The following KDM4C variants were observed in gnomAD, a reference collection of about 807,000 sequenced individuals.
The protein encoded by KDM4C is lysine-specific demethylase 4C.
KDM4C carries 81 observed loss-of-function variants against 129.3 expected under a neutral mutation model. That is an observed-to-expected ratio of 0.63 (90% confidence interval 0.52 to 0.75). The LOEUF (loss-of-function observed/expected upper bound fraction) is 0.75. Among genes scored for constraint, KDM4C ranks in the 30% least tolerant of loss-of-function variants. The pLI is 0.00. For synonymous variants in KDM4C, 573 were observed against 456.1 expected, an observed-to-expected ratio of 1.26 and a Z score of -3.26; for missense variants, 1,457 against 1,304.0, an observed-to-expected ratio of 1.12 and a Z score of -1.81.
At chr9:6,774,042 T>A (rs1489841633) in intron 1 of KDM4C, among the ~76,000 whole-genome samples, 1 of 152,018 alleles carries the variant, frequency 6.6e-6, no homozygotes, top group Non-Finnish European at 1.5e-5. Flanking sequence ...CGCATGCCAC[T>A]ATACCTGGTT....
At position 6,738,264 on chromosome 9, in the gene KDM4C, G is replaced by A. The variant is rs539173198; in HGVS notation, c.49+17267G>A. On this transcript the variant is annotated intron_variant, in intron 1 of 17. Transcript: ENST00000536108. ...GGCCGAGGCAGATGGATCAGCTGAG[G>A]TCAGGAGTTTGAGACTGGCCTGACC... Among the ~76,000 whole-genome samples the A allele has an allele frequency of 2.0e-5, 3 of 152,194 alleles. No individual in the cohort carries two copies. In the East Asian group the frequency reaches 5.8e-4, roughly 29 times the overall value.
intron 15 of KDM4C, among the ~76,000 whole-genome samples, 162 bp from the exon 16 acceptor site, chr9:7,046,700 G>A (rs78989195): frequency 0.13 from 20,300 of 151,800 alleles, 1,902 homozygotes; most frequent in Non-Finnish European, 0.2. Context: ...TTCCCCCTCC[G>A]CTGTCTTTCT....
At chr9:6,795,806 G>A (rs112651054) in intron 2 of KDM4C, among the ~76,000 whole-genome samples, 250 of 151,734 alleles carry the variant, frequency 1.6e-3, no homozygotes, top group African/African-American at 5.9e-3. Context: ...CAATTAGCTG[G>A]GATTACAGGT....
chr9:6,936,439 C>T (rs1194243008), intron 8 of KDM4C, among the ~76,000 whole-genome samples: 2 of 152,164 alleles, frequency 1.3e-5, no homozygotes, highest in African/African-American at 4.8e-5. Context: ...GTAACAAAAA[C>T]ATTATTGCCA....
At chr9:7,011,602 T>G in intron 12 of KDM4C, 96 bp from the exon 13 acceptor site, 1 of 1,140,544 alleles carries the variant, frequency 8.8e-7, no homozygotes, top group Non-Finnish European at 1.3e-6. Flanking sequence ...GGCCTTAATA[T>G]CACAGATTCT....
intron 15 of KDM4C, among the ~76,000 whole-genome samples, chr9:7,040,116 T>C (rs1029943968): frequency 2.6e-5 from 4 of 152,114 alleles, no homozygotes; most frequent in African/African-American, 9.7e-5. Flanking sequence ...TGCCTTCAAA[T>C]AATATCCTAC....
At chr9:6,737,964 C>T (rs926243938) in intron 1 of KDM4C, among the ~76,000 whole-genome samples, 1 of 150,666 alleles carries the variant, frequency 6.6e-6, no homozygotes, top group Non-Finnish European at 1.5e-5. Flanking sequence ...AAAACCCCAT[C>T]TCTACTAAAA....
chr9:6,750,453 A>G (rs10120785), intron 1 of KDM4C, among the ~76,000 whole-genome samples: 41,764 of 150,462 alleles, frequency 0.28, 6,648 homozygotes, highest in African/African-American at 0.42. Flanking sequence ...AAAAAAAAAA[A>G]GCTCTTCACG....
intron 8 of KDM4C, among the ~76,000 whole-genome samples, chr9:6,930,234 G>T (rs1284738789): frequency 6.6e-6 from 1 of 152,110 alleles, no homozygotes; most frequent in Non-Finnish European, 1.5e-5. Context: ...CCACAGGTAG[G>T]TTTTTTGGAT....
intron 17 of KDM4C, among the ~76,000 whole-genome samples, chr9:7,070,053 G>A (rs4523317): frequency 0.77 from 117,399 of 152,118 alleles, 45,514 homozygotes; most frequent in African/African-American, 0.81. Context: ...AGGCAGAACA[G>A]GGGGAAAAGG....
chr9:7,026,154 G>A (rs1029799569), intron 15 of KDM4C, among the ~76,000 whole-genome samples: 1 of 151,306 alleles, frequency 6.6e-6, no homozygotes, highest in Non-Finnish European at 1.5e-5. Context: ...GCAGTGAGCC[G>A]AGATCGCACC....
At chr9:6,810,679 C>G (rs943498651) in intron 3 of KDM4C, among the ~76,000 whole-genome samples, 1 of 151,944 alleles carries the variant, frequency 6.6e-6, no homozygotes, top group Non-Finnish European at 1.5e-5. Context: ...CAAGACCAGC[C>G]TGGTCAACAA....
intron 18 of KDM4C, among the ~76,000 whole-genome samples, chr9:7,113,667 A>G (rs928718196): frequency 6.6e-6 from 1 of 152,222 alleles, no homozygotes; most frequent in African/African-American, 2.4e-5. Context: ...GTGATCTTGG[A>G]AAGATTACTC....
At chr9:6,857,602 T>C (rs1840094592) in intron 5 of KDM4C, among the ~76,000 whole-genome samples, 1 of 152,080 alleles carries the variant, frequency 6.6e-6, no homozygotes, top group Admixed American at 6.5e-5. Flanking sequence ...TTTCCTGAAG[T>C]GTTGAGATTT....
intron 19 of KDM4C, among the ~76,000 whole-genome samples, chr9:7,133,706 A>T (rs936026157): frequency 2.0e-5 from 3 of 152,200 alleles, no homozygotes; most frequent in African/African-American, 7.2e-5. Flanking sequence ...ACACAGATCC[A>T]GTAGGACATG....
chr9:6,883,333 A>G (rs1844761571), intron 6 of KDM4C, among the ~76,000 whole-genome samples: 2 of 152,222 alleles, frequency 1.3e-5, no homozygotes, highest in African/African-American at 2.4e-5. Context: ...GTAAGCCATA[A>G]AAAATGCAAA....
intron 12 of KDM4C, among the ~76,000 whole-genome samples, chr9:6,997,007 G>T (rs1279156730): frequency 2.0e-5 from 3 of 150,126 alleles, no homozygotes; most frequent in Non-Finnish European, 3.0e-5. Flanking sequence ...ATAGCACAAA[G>T]GATAATATCT....
At chr9:6,959,044 G>T (rs1379513318) in intron 8 of KDM4C, among the ~76,000 whole-genome samples, 1 of 152,148 alleles carries the variant, frequency 6.6e-6, no homozygotes, top group African/African-American at 2.4e-5. Flanking sequence ...TTAAAGCCTG[G>T]AGCCTAGAAT....
chr9:7,167,688 G>A (rs879647406), intron 20 of KDM4C, among the ~76,000 whole-genome samples: 1 of 152,182 alleles, frequency 6.6e-6, no homozygotes, highest in Non-Finnish European at 1.5e-5. Context: ...TTGTATGTTT[G>A]ATCTTTATTA....
Sources: allele counts gnomAD v4.1 joint callset (sites outside exome capture counted in the v4.1 genomes callset), GRCh38; gene constraint gnomAD v4.1.1; transcripts MANE v1.5; gene names NCBI Gene and HGNC (gene_info 2026-07-23, HGNC 2026-07-21).